RALGAPA2: variants seen among roughly 807,000 people sequenced by gnomAD.
RALGAPA2 encodes the protein ral GTPase-activating protein subunit alpha-2.
RALGAPA2 carries 139 observed loss-of-function variants against 230.4 expected under a neutral mutation model. The ratio of observed to expected loss-of-function variants is 0.60; its 90% CI spans 0.53 to 0.69. The LOEUF (loss-of-function observed/expected upper bound fraction) is 0.69. Ranked by LOEUF, RALGAPA2 falls within the 30% of genes least tolerant of loss-of-function variation. RALGAPA2 has a pLI of 0.00. For missense variants in RALGAPA2, 2,163 were observed against 2,276.0 expected, an observed-to-expected ratio of 0.95 and a Z score of 1.01; for synonymous variants, 847 against 837.8, an observed-to-expected ratio of 1.01 and a Z score of -0.19.
At chr20:20,528,884 A>G (rs1213834223) in intron 27 of RALGAPA2, among the ~76,000 whole-genome samples, 1 of 152,174 alleles carries the variant, frequency 6.6e-6, no homozygotes, top group Admixed American at 6.5e-5. Context: ...GGGTGGGGCC[A>G]AGGCCCCCAC....
chr20:20,509,717 A>C (rs1007748530), intron 33 of RALGAPA2, among the ~76,000 whole-genome samples: 2 of 152,242 alleles, frequency 1.3e-5, no homozygotes, highest in Non-Finnish European at 1.5e-5. Flanking sequence ...AAATGAAAAG[A>C]AAAGAAAACT....
In RALGAPA2 at chr20:20,533,914, T is replaced by C. The variant is rs183747789; in HGVS notation, c.3473+1831A>G. On this transcript the variant is annotated intron_variant, in intron 26 of 39. Coordinates refer to ENST00000202677, the MANE Select transcript of RALGAPA2 (RefSeq NM_020343.4). ...GTGCAGGAGAAATTAATATACTAAA[T>C]ATATAACCTTAAAGGTAAGATTGTA... 4.6e-5 allele frequency among the ~76,000 whole-genome samples: 7 copies of C among 152,124 alleles called. No homozygotes were observed. The East Asian group carries it at 1.4e-3, about 29-fold the overall frequency.
At position 20,712,511 on chromosome 20, in the gene RALGAPA2, G is replaced by T; in HGVS notation, c.-31C>A. 1 of 1,535,772 alleles carries T rather than the reference G, an allele frequency of 6.5e-7. No homozygotes were observed. Among genetic ancestry groups the T allele is most frequent in the Non-Finnish European group, 8.8e-7 (1 of 1,140,666 alleles). ...GGCAGGAAGCCCGGGCCCCGCCGGC[G>T]GGGCAGTAGGCGCCTGCGCCACGCG... On this transcript the variant is annotated 5_prime_UTR_variant, in exon 1 of 40. Coordinates refer to ENST00000202677, the MANE Select transcript of RALGAPA2 (RefSeq NM_020343.4). This position sits in a 1 kb window ranked among gnomAD's most constrained non-coding sequence, Gnocchi z 5.5.
chr20:20,451,723 T>G (rs1399357695), intron 37 of RALGAPA2, among the ~76,000 whole-genome samples: 1 of 152,262 alleles, frequency 6.6e-6, no homozygotes, highest in Admixed American at 6.5e-5. Flanking sequence ...TTAGCACAAC[T>G]GATCCAAAGT....
At chr20:20,436,707 G>T (rs1028605885) in intron 37 of RALGAPA2, among the ~76,000 whole-genome samples, 1 of 152,218 alleles carries the variant, frequency 6.6e-6, no homozygotes, top group Non-Finnish European at 1.5e-5. Context: ...AGGCCGAAGA[G>T]TAATCTAAAT....
At chr20:20,526,483 A>G in intron 27 of RALGAPA2, 121 bp from the exon 28 acceptor site, 1 of 648,696 alleles carries the variant, frequency 1.5e-6, no homozygotes, top group Non-Finnish European at 2.6e-6. Flanking sequence ...TTTGCCTCAA[A>G]TTGATGAAAA....
chr20:20,600,087 G>A (rs139187085), intron 16 of RALGAPA2, among the ~76,000 whole-genome samples: 6 of 152,178 alleles, frequency 3.9e-5, no homozygotes, highest in African/African-American at 1.4e-4. Flanking sequence ...CTAAGGTAAG[G>A]AGTACGAGAA....
At chr20:20,475,966 G>C (rs2061641599) in intron 36 of RALGAPA2, among the ~76,000 whole-genome samples, 1 of 152,090 alleles carries the variant, frequency 6.6e-6, no homozygotes, top group South Asian at 2.1e-4. Flanking sequence ...ATTGGGAAAA[G>C]ACATGTAAAA....
intron 11 of RALGAPA2, among the ~76,000 whole-genome samples, chr20:20,619,989 C>G (rs982810994): frequency 2.6e-5 from 4 of 152,166 alleles, no homozygotes; most frequent in African/African-American, 9.7e-5. Context: ...CTCAGCGAGG[C>G]TTAAAGGGGA....
intron 35 of RALGAPA2, among the ~76,000 whole-genome samples, chr20:20,500,433 G>C (rs2062339943): frequency 6.6e-6 from 1 of 152,188 alleles, no homozygotes; most frequent in Non-Finnish European, 1.5e-5. Context: ...ACTGAGAACA[G>C]ATTCCTTCTC....
chr20:20,684,672 T>C (rs2068638492), intron 1 of RALGAPA2, among the ~76,000 whole-genome samples: 1 of 152,180 alleles, frequency 6.6e-6, no homozygotes, highest in Non-Finnish European at 1.5e-5. Context: ...CTCAGTGGTC[T>C]GGGCACGCTC....
intron 37 of RALGAPA2, among the ~76,000 whole-genome samples, chr20:20,415,820 T>A (rs1454094710): frequency 6.6e-6 from 1 of 152,210 alleles, no homozygotes; most frequent in Non-Finnish European, 1.5e-5. Context: ...CAAGAGAACT[T>A]CTCGAGACTC....
chr20:20,673,140 G>A lies in RALGAPA2; in HGVS notation c.270+3096C>T, dbSNP rs147187961. On this transcript the variant is annotated intron_variant, in intron 3 of 39. Transcript: ENST00000202677. ...GCGGAGCTTGCAGTGAGCTGAGATC[G>A]CACCACTGAACTCCAGCCTGGGCGA... 7.7e-3 allele frequency among the ~76,000 whole-genome samples: 1,158 copies of A among 150,944 alleles called. 20 individuals carry two copies. Among genetic ancestry groups the A allele is most frequent in the African/African-American group, 0.025 (1,019 of 41,046 alleles).
intron 14 of RALGAPA2, among the ~76,000 whole-genome samples, chr20:20,607,145 AT>A (rs1465212240): frequency 1.3e-5 from 2 of 152,102 alleles, no homozygotes; most frequent in African/African-American, 2.4e-5. Flanking sequence ...TCACTTCTTA[AT>A]TTTTTTCCCC....
At chr20:20,454,310 T>C (rs369219099) in intron 37 of RALGAPA2, among the ~76,000 whole-genome samples, 2 of 152,210 alleles carry the variant, frequency 1.3e-5, no homozygotes, top group African/African-American at 4.8e-5. Context: ...ACTAATGAAT[T>C]TGAGCATGTC....
At chr20:20,665,816 T>C (rs780545513) in intron 3 of RALGAPA2, among the ~76,000 whole-genome samples, 1 of 152,122 alleles carries the variant, frequency 6.6e-6, no homozygotes, top group Non-Finnish European at 1.5e-5. Flanking sequence ...CAGTCCTATG[T>C]TTTATTATTT....
intron 4 of RALGAPA2, among the ~76,000 whole-genome samples, chr20:20,644,033 C>T (rs1324877242): frequency 6.6e-6 from 1 of 152,170 alleles, no homozygotes. Flanking sequence ...GAGGCAGAAT[C>T]AAGGCTGACT....
intron 1 of RALGAPA2, among the ~76,000 whole-genome samples, chr20:20,697,339 T>G (rs564558457): frequency 6.6e-6 from 1 of 152,064 alleles, no homozygotes; most frequent in African/African-American, 2.4e-5. Flanking sequence ...TCAAAAAAAA[T>G]TTTTTAATTA....
chr20:20,404,104 AAATAG>A (rs35894782), intron 38 of RALGAPA2, among the ~76,000 whole-genome samples: 61,072 of 151,612 alleles, frequency 0.4, 12,320 homozygotes, highest in African/African-American at 0.46. Context: ...AGTGGCCACA[AAATAG>A]AATAGGGTTT....
Sources: gnomAD v4.1 joint callset for allele counts (sites outside exome capture counted in the v4.1 genomes callset) on GRCh38, gnomAD v4.1.1 for gene constraint, Gnocchi (gnomAD v3.1) non-coding constraint, MANE v1.5 for transcripts, NCBI Gene and HGNC (gene_info 2026-07-23, HGNC 2026-07-21) for gene names.